The following COP1 variants were observed in gnomAD, a reference collection of about 807,000 sequenced individuals.
The protein encoded by COP1 is E3 ubiquitin-protein ligase COP1.
Under a neutral mutation model 101.3 loss-of-function variants are expected in COP1, and 24 were observed. The observed-to-expected ratio is 0.24, with a 90% CI of 0.17 to 0.33. The LOEUF is 0.33. Among genes scored for constraint, COP1 ranks in the 10% least tolerant of loss-of-function variants. COP1 has a pLI of 1.00. For missense variants in COP1, 663 were observed against 906.2 expected (o/e 0.73, Z 3.45); for synonymous variants, 347 against 341.9 (o/e 1.01, Z -0.17).
chr1:176,016,347 T>C (rs1380451140), intron 15 of COP1, among the ~76,000 whole-genome samples: 1 of 152,106 alleles, frequency 6.6e-6, no homozygotes, highest in Admixed American at 6.5e-5. Context: ...GAGGGTGTTG[T>C]TTTAGAATCC....
At chr1:176,175,274 G>A (rs1200801805) in intron 3 of COP1, among the ~76,000 whole-genome samples, 2 of 152,122 alleles carry the variant, frequency 1.3e-5, no homozygotes, top group Non-Finnish European at 2.9e-5. Flanking sequence ...ACTTCACAGG[G>A]ATACCTAAAG....
At chr1:176,114,207 C>G (rs1007246433) in intron 9 of COP1, among the ~76,000 whole-genome samples, 2 of 152,118 alleles carry the variant, frequency 1.3e-5, no homozygotes, top group Non-Finnish European at 1.5e-5. Context: ...AAATTTTCTC[C>G]TAATGTATTC....
intron 5 of COP1, among the ~76,000 whole-genome samples, chr1:176,154,248 C>A (rs1169936771): frequency 2.0e-5 from 3 of 152,080 alleles, no homozygotes; most frequent in Non-Finnish European, 2.9e-5. Context: ...TTCAGGGATT[C>A]AATTTCTTCC....
Position 176,206,163 on chromosome 1 carries a change from G to A in COP1, c.407+409C>T, listed in dbSNP as rs1700826164. Among the ~76,000 whole-genome samples, 3 of 152,064 alleles carry A rather than the reference G, an allele frequency of 2.0e-5. No homozygotes were observed. The South Asian group carries it at 6.2e-4, about 32-fold the overall frequency. On this transcript the variant is annotated intron_variant, in intron 1 of 19. Coordinates refer to ENST00000367669, the MANE Select transcript of COP1 (RefSeq NM_022457.7). ...CGAGGAAGCTTAGTCCTCTCCATTTGCAAATTTCATTCATCTCAACAAGGA... is the reference window on the plus strand; with the variant it reads ...CGAGGAAGCTTAGTCCTCTCCATTTACAAATTTCATTCATCTCAACAAGGA...
intron 18 of COP1, among the ~76,000 whole-genome samples, chr1:175,966,271 T>A (rs1652014667): frequency 7.6e-6 from 1 of 131,126 alleles, no homozygotes; most frequent in Non-Finnish European, 1.6e-5. Context: ...GTCTGAATTG[T>A]GTTTGCAATA....
chr1:176,101,286 G>GTATT (rs1366526061), intron 9 of COP1, among the ~76,000 whole-genome samples: 1 of 152,056 alleles, frequency 6.6e-6, no homozygotes, highest in African/African-American at 2.4e-5. Context: ...AATACTCCAG[G>GTATT]TATTTGCTAG....
In COP1 at chr1:176,180,313, A is replaced by G. The variant is rs1230213534; in HGVS notation, c.468-4306T>C. ...GCTGCCTTCTGGATCATATAAAACAAACTACAAATTTTCAGTATTTCTTAC... is the reference window on the plus strand; with the variant it reads ...GCTGCCTTCTGGATCATATAAAACAGACTACAAATTTTCAGTATTTCTTAC... On this transcript the variant is annotated intron_variant, in intron 2 of 19. Transcript: ENST00000367669. 5.3e-5 allele frequency among the ~76,000 whole-genome samples: 8 copies of G among 152,172 alleles called. No homozygotes were observed. The East Asian group carries it at 1.5e-3, about 29-fold the overall frequency.
At chr1:176,048,059 C>T (rs1671815403) in intron 11 of COP1, among the ~76,000 whole-genome samples, 1 of 152,042 alleles carries the variant, frequency 6.6e-6, no homozygotes, top group African/African-American at 2.4e-5. Flanking sequence ...GGTGACACAG[C>T]AAGACCCTGT....
chr1:176,149,387 A>T (rs1410515821), intron 5 of COP1, among the ~76,000 whole-genome samples: 1 of 152,142 alleles, frequency 6.6e-6, no homozygotes, highest in Non-Finnish European at 1.5e-5. Context: ...CAACTCAACT[A>T]AGAAAACATC....
chr1:176,083,218 TTTA>T (rs1264583927), intron 10 of COP1, among the ~76,000 whole-genome samples: 23 of 152,208 alleles, frequency 1.5e-4, no homozygotes, highest in African/African-American at 5.3e-4. Context: ...GATGGTTGGT[TTTA>T]TTAATTTAAA....
chr1:176,006,301 C>A (rs185654862), intron 15 of COP1, among the ~76,000 whole-genome samples: 2 of 152,200 alleles, frequency 1.3e-5, no homozygotes, highest in Admixed American at 1.3e-4. Flanking sequence ...ACTCTTTATC[C>A]AATTTGCCAG....
chr1:175,978,453 T>G (rs1311236777), intron 18 of COP1, among the ~76,000 whole-genome samples: 1 of 152,130 alleles, frequency 6.6e-6, no homozygotes, highest in Non-Finnish European at 1.5e-5. Flanking sequence ...TTAAAGAAAA[T>G]GTATACTTCC....
chr1:176,018,785 T>A (rs1666127951), intron 15 of COP1: 1 of 151,986 alleles, frequency 6.6e-6, no homozygotes, highest in Non-Finnish European at 1.5e-5. Context: ...GGCGGGAGAA[T>A]CACTTGAGTC....
intron 18 of COP1, among the ~76,000 whole-genome samples, chr1:175,982,069 T>G (rs990036606): frequency 6.6e-6 from 1 of 152,130 alleles, no homozygotes; most frequent in Non-Finnish European, 1.5e-5. Context: ...CTTGTAACGT[T>G]GGTGGGAATG....
In COP1 at chr1:176,133,180, G is replaced by A. The variant is rs148022515; in HGVS notation, c.968+1830C>T. Among the ~76,000 whole-genome samples the A allele has an allele frequency of 4.0e-3, 520 of 129,582 alleles. 15 individuals carry two copies. The highest frequency in any genetic ancestry group is 0.037 in the Middle Eastern group (9 of 242). The allele number at this position is 129,582 out of a possible 152,430, so 85.0% of individuals were successfully genotyped here. A position where few individuals can be genotyped will look rare whatever the true frequency, so the allele number is the denominator to read the frequency against. On this transcript the variant is annotated intron_variant, in intron 8 of 19. Transcript: ENST00000367669. ...TATATATACGTATGTACACACATAC[G>A]TATATACGTACGTATATGTACGTAT...
At chr1:176,046,898 C>T (rs1178985422) in intron 11 of COP1, among the ~76,000 whole-genome samples, 3 of 152,036 alleles carry the variant, frequency 2.0e-5, no homozygotes, top group African/African-American at 7.2e-5. Context: ...CCAAATATCT[C>T]TCTGAATTAT....
At chr1:175,985,888 T>A (rs553633587) in intron 18 of COP1, among the ~76,000 whole-genome samples, 2 of 152,318 alleles carry the variant, frequency 1.3e-5, no homozygotes, top group Admixed American at 1.3e-4. Context: ...AGTGAAACTA[T>A]ACCTGAAACT....
intron 9 of COP1, among the ~76,000 whole-genome samples, chr1:176,090,401 A>T (rs1681053352): frequency 6.6e-6 from 1 of 152,264 alleles, no homozygotes; most frequent in East Asian, 1.9e-4. Flanking sequence ...AAACCTCTTT[A>T]AAAAAGTTTA....
chr1:176,065,065 GC>G (rs1243916296), intron 11 of COP1, among the ~76,000 whole-genome samples: 1 of 152,152 alleles, frequency 6.6e-6, no homozygotes, highest in Non-Finnish European at 1.5e-5. Flanking sequence ...TAAGTCAATA[GC>G]CCTGAAATAA....
Sources: allele counts gnomAD v4.1 joint callset (sites outside exome capture counted in the v4.1 genomes callset), GRCh38; gene constraint gnomAD v4.1.1; transcripts MANE v1.5; gene names NCBI Gene and HGNC (gene_info 2026-07-23, HGNC 2026-07-21).